ANKRD12: variants seen among roughly 807,000 people sequenced by gnomAD.
The protein encoded by ANKRD12 is ankyrin repeat domain-containing protein 12.
ANKRD12 carries 85 observed loss-of-function variants against 183.4 expected under a neutral mutation model. That is an observed-to-expected ratio of 0.46 (90% CI 0.39 to 0.56). The LOEUF (loss-of-function observed/expected upper bound fraction) is 0.56, where lower values mean the gene tolerates loss of function less well. ANKRD12 is among the 20% of genes least tolerant of loss of function. The pLI is 0.00. For missense variants in ANKRD12, 2,405 were observed against 2,357.1 expected, an observed-to-expected ratio of 1.02 and a Z score of -0.42; for synonymous variants, 914 against 800.2, an observed-to-expected ratio of 1.14 and a Z score of -2.40.
At chr18:9,199,155 T>A (rs2035021612) in intron 3 of ANKRD12, among the ~76,000 whole-genome samples, 1 of 151,960 alleles carries the variant, frequency 6.6e-6, no homozygotes. Context: ...TGAGTCAGGC[T>A]TAGTGGTGTG....
At chr18:9,215,152 A>T (rs957958105) in intron 6 of ANKRD12, among the ~76,000 whole-genome samples, 11 of 152,152 alleles carry the variant, frequency 7.2e-5, no homozygotes, top group African/African-American at 2.7e-4. Context: ...CAGTTTTTTA[A>T]TGTGGACAAA....
At chr18:9,196,189 TACACAC>T (rs34220366) in intron 3 of ANKRD12, among the ~76,000 whole-genome samples, 5,298 of 50,060 alleles carry the variant, frequency 0.11, 45 homozygotes, top group South Asian at 0.18. Flanking sequence ...ATAGAATTTT[TACACAC>T]ACACACACAC....
intron 1 of ANKRD12, among the ~76,000 whole-genome samples, chr18:9,175,949 CTCTT>C (rs1214391729): frequency 6.6e-6 from 1 of 151,438 alleles, no homozygotes; most frequent in African/African-American, 2.4e-5. Context: ...CCAAAAAAAA[CTCTT>C]TGTTTCCTGA....
chr18:9,217,975 G>C (rs764388764), intron 7 of ANKRD12, among the ~76,000 whole-genome samples: 1 of 152,186 alleles, frequency 6.6e-6, no homozygotes, highest in Non-Finnish European at 1.5e-5. Flanking sequence ...CTGACAACAT[G>C]TAGGGTACAT....
intron 2 of ANKRD12, among the ~76,000 whole-genome samples, chr18:9,182,807 TTCTG>T (rs1020243091): frequency 5.3e-5 from 8 of 152,282 alleles, no homozygotes; most frequent in African/African-American, 1.7e-4. Flanking sequence ...TGACCTGTAA[TTCTG>T]TCTTTTTATA....
Position 9,165,151 on chromosome 18 carries a change from A to G in ANKRD12, c.-51-17231A>G, listed in dbSNP as rs562013890. ...GAACTGAACCTTTTACCATTACGTG[A>G]TGTCGTTTGTCTTTTTTTGATCTTT... On this transcript the variant is annotated intron_variant, in intron 1 of 12. Transcript: ENST00000262126. Among the ~76,000 whole-genome samples the G allele has an allele frequency of 2.6e-5, 4 of 152,042 alleles. No individual in the cohort carries two copies. In the South Asian group the frequency reaches 8.3e-4, roughly 32 times the overall value.
At chr18:9,204,065 T>G (rs1449980293) in intron 3 of ANKRD12, among the ~76,000 whole-genome samples, 1 of 152,214 alleles carries the variant, frequency 6.6e-6, no homozygotes, top group Non-Finnish European at 1.5e-5. Flanking sequence ...CCAAAGTGTT[T>G]TACTGTCTCC....
At position 9,281,068 on chromosome 18, in the gene ANKRD12, A is replaced by G; in HGVS notation, c.6131A>G (p.Gln2044Arg). 2 of 1,614,108 alleles carry G rather than the reference A, an allele frequency of 1.2e-6. No individual in the cohort carries two copies. Among genetic ancestry groups the G allele is most frequent in the East Asian group, 2.2e-5 (1 of 44,874 alleles). The change falls in exon 13 of 13, where the codon CAG becomes CGG. Residue 2044 changes from glutamine (Q) to arginine (R), a missense_variant. Physicochemically the swap from Gln to Arg is conservative, Grantham distance 43 (BLOSUM62 1). Around this residue, in one of 7 missense-constraint regions of ANKRD12, gnomAD observed 162 missense variants for 272.2 expected, o/e 0.60. Coordinates refer to ENST00000262126, the MANE Select transcript of ANKRD12 (RefSeq NM_015208.5). ...TYKSISIYEI[Q>R]EFYVPLVDVN... Reference sequence around the variant, plus strand: ...AAATCTATCAGCATTTACGAAATCCAGGAGTTTTATGTTCCCCTTGTTGAT... The same window carrying G: ...AAATCTATCAGCATTTACGAAATCCGGGAGTTTTATGTTCCCCTTGTTGAT...
Position 9,221,902 on chromosome 18 carries a change from A to T in ANKRD12, c.846A>T (p.Lys282Asn), listed in dbSNP as rs143405999. 1 of 1,614,036 alleles carries T rather than the reference A, an allele frequency of 6.2e-7. No homozygotes were observed. The highest frequency in any genetic ancestry group is 8.5e-7 in the Non-Finnish European group (1 of 1,179,936). Residue 282 changes from lysine to asparagine, a missense_variant, in exon 8 of 13, where the codon AAA becomes AAT. By Grantham distance (94) the Lys-to-Asn change is moderately conservative. Around this residue, in one of 7 missense-constraint regions of ANKRD12, gnomAD observed 40 missense variants for 54.2 expected, o/e 0.74. Transcript: ENST00000262126. The part of the protein sequence containing the change: ...RHGGNPFQAN[K>N]HGERPVDVAE... ...GTGGAAATCCATTTCAAGCTAATAAACATGGGGAGCGTCCAGTGGATGTAG... is the reference window on the plus strand; with the variant it reads ...GTGGAAATCCATTTCAAGCTAATAATCATGGGGAGCGTCCAGTGGATGTAG...
At chr18:9,229,268 C>G (rs1331498608) in intron 8 of ANKRD12, among the ~76,000 whole-genome samples, 1 of 152,082 alleles carries the variant, frequency 6.6e-6, no homozygotes, top group Non-Finnish European at 1.5e-5. Flanking sequence ...ATTGCTTTGG[C>G]TATTCAGGCT....
intron 10 of ANKRD12, among the ~76,000 whole-genome samples, chr18:9,264,116 A>G (rs2039141989): frequency 6.6e-6 from 1 of 152,214 alleles, no homozygotes; most frequent in African/African-American, 2.4e-5. Context: ...GTAAGTCTCT[A>G]ATAACTTCTT....
chr18:9,224,155 A>C (rs886324052), intron 8 of ANKRD12, among the ~76,000 whole-genome samples: 2 of 152,246 alleles, frequency 1.3e-5, no homozygotes, highest in Non-Finnish European at 2.9e-5. Flanking sequence ...ATCCATAAAC[A>C]TCACTGATGA....
Position 9,256,808 on chromosome 18 carries a change from G to A in ANKRD12, c.3541G>A (p.Val1181Ile), listed in dbSNP as rs778279640. The A allele has an allele frequency of 8.7e-6, 14 of 1,613,878 alleles. No homozygotes were observed. In the South Asian group the frequency reaches 1.4e-4, roughly 16 times the overall value. ...AATGACTTTAGGGAAGTCATCTTTT[G>A]TTTCAGATAATAGCTTAAACAGGTC... is the stretch of plus-strand genomic sequence containing the variant. ...NVMTLGKSSF[V>I]SDNSLNRSPR... The change falls in exon 9 of 13, where the codon GTT (valine) becomes ATT (isoleucine). Residue 1181 changes from valine (V) to isoleucine (I), a missense_variant. By Grantham distance (29) the Val-to-Ile change is conservative (BLOSUM62 3). Transcript: ENST00000262126.
intron 10 of ANKRD12, among the ~76,000 whole-genome samples, chr18:9,268,891 A>G (rs2039446652): frequency 6.6e-6 from 1 of 152,204 alleles, no homozygotes; most frequent in South Asian, 2.1e-4. Context: ...TCAGCCCCAA[A>G]TCTCCTTAAG....
chr18:9,207,155 G>GA (rs1297314230), intron 4 of ANKRD12, among the ~76,000 whole-genome samples: 4 of 152,066 alleles, frequency 2.6e-5, no homozygotes, highest in African/African-American at 7.2e-5. Flanking sequence ...AAAATTAGGA[G>GA]AAAAAATCCA....
chr18:9,166,300 A>T (rs1568241999), intron 1 of ANKRD12, among the ~76,000 whole-genome samples: 1 of 152,120 alleles, frequency 6.6e-6, no homozygotes, highest in Non-Finnish European at 1.5e-5. Flanking sequence ...CGCCACACTG[A>T]CTTCCACAAT....
chr18:9,204,691 C>T (rs1348753163), intron 4 of ANKRD12, 147 bp downstream of exon 4: 5 of 600,274 alleles, frequency 8.3e-6, no homozygotes, highest in Non-Finnish European at 1.4e-5. Flanking sequence ...ACCACATTTT[C>T]CCATTTTTGC....
intron 12 of ANKRD12, among the ~76,000 whole-genome samples, chr18:9,280,737 C>T (rs1316815929): frequency 6.6e-6 from 1 of 151,990 alleles, no homozygotes; most frequent in African/African-American, 2.4e-5. Context: ...TGCAGTGAGC[C>T]CAGAGCTCGC....
At position 9,275,560 on chromosome 18, in the gene ANKRD12, C is replaced by T. The variant is rs2039792422; in HGVS notation, c.5800C>T (p.Arg1934Ter). Residue 1934 changes from arginine to a stop codon, truncating the protein, a stop_gained, in exon 11 of 13, where the codon CGA (arginine) becomes TGA (stop). Coordinates refer to ENST00000262126, the MANE Select transcript of ANKRD12 (RefSeq NM_015208.5). LOFTEE classifies it high-confidence loss of function. ...LIVSNEQEVL[R>*]VHYRAARTLA... ...TGTATCCAACGAACAAGAAGTTTTG[C>T]GAGTTCATTACAGAGCTGCAAGAAC... is the stretch of plus-strand genomic sequence containing the variant. 1.9e-6 allele frequency: 3 copies of T among 1,610,102 alleles called. No homozygotes were observed. Among genetic ancestry groups the T allele is most frequent in the African/African-American group, 1.3e-5 (1 of 74,832 alleles).
Sources: gnomAD v4.1 joint callset for allele counts (sites outside exome capture counted in the v4.1 genomes callset) on GRCh38, gnomAD v4.1.1 for gene constraint, gnomAD v4.1.1 regional missense constraint, MANE v1.5 for transcripts, NCBI Gene and HGNC (gene_info 2026-07-23, HGNC 2026-07-21) for gene names.